TSPEAR: variants seen among roughly 807,000 people sequenced by gnomAD.
TSPEAR encodes thrombospondin-type laminin G domain and EAR repeat-containing protein.
A neutral mutation model predicts 71.6 loss-of-function variants in TSPEAR; 69 were observed. The ratio of observed to expected loss-of-function variants is 0.96; its 90% CI spans 0.79 to 1.18. TSPEAR has a LOEUF of 1.18. TSPEAR is among the 50% of genes most tolerant of loss of function. The pLI is 0.00. For synonymous variants in TSPEAR, 402 were observed against 387.2 expected (o/e 1.04, Z -0.45); for missense variants, 971 against 894.9 (o/e 1.09, Z -1.09).
At chr21:44,552,029 C>T (rs1358982683) in intron 2 of TSPEAR, among the ~76,000 whole-genome samples, 4 of 152,216 alleles carry the variant, frequency 2.6e-5, no homozygotes, top group Admixed American at 2.6e-4. Context: ...GGAGGACCTC[C>T]CCTCCTCTGA....
chr21:44,574,139 C>G, intron 1 of TSPEAR: 1 of 1,590,284 alleles, frequency 6.3e-7, no homozygotes, highest in Non-Finnish European at 8.6e-7. Flanking sequence ...GCTGTGTGCC[C>G]GTCTGCTGTG....
chr21:44,624,860 A>G (rs1555934044), intron 1 of TSPEAR, among the ~76,000 whole-genome samples: 1 of 152,170 alleles, frequency 6.6e-6, no homozygotes, highest in East Asian at 1.9e-4. Context: ...ACTTCTGTGC[A>G]CTTTCCCTCT....
chr21:44,628,334 C>A (rs587660790), intron 1 of TSPEAR: 18 of 382,096 alleles, frequency 4.7e-5, no homozygotes, highest in African/African-American at 3.8e-4. Context: ...CCCCCAGCAG[C>A]GTCACCCTCT....
rs181239865 is a variant in TSPEAR, at chr21:44,503,205, G to T, written c.1856+1575C>A. Among the ~76,000 whole-genome samples, 376 of 135,612 alleles carry T rather than the reference G, an allele frequency of 2.8e-3. 8 individuals carry two copies. The highest frequency in any genetic ancestry group is 0.017 in the Middle Eastern group (4 of 240). 89.0% of individuals were successfully genotyped at this position (135,612 alleles called of 152,430 possible). ...CCGGCCTTGGTGAGCCCACAGGGGG[G>T]AAGCAAGGCGCTGGGAGGAGGCCGG... On this transcript the variant is annotated intron_variant, in intron 11 of 11. Transcript: ENST00000323084.
intron 1 of TSPEAR, among the ~76,000 whole-genome samples, chr21:44,703,157 G>A (rs1248638121): frequency 2.0e-5 from 3 of 152,156 alleles, no homozygotes; most frequent in Non-Finnish European, 4.4e-5. Flanking sequence ...GCCTCTGCGT[G>A]CTCCTCTCCC....
At chr21:44,528,413 GC>G (rs781956262) in intron 6 of TSPEAR, 38 bp downstream of exon 6, 5 of 1,611,830 alleles carry the variant, frequency 3.1e-6, no homozygotes, top group African/African-American at 1.3e-5. Context: ...TGCCAGAGTG[GC>G]CCTGCATGCC....
intron 2 of TSPEAR, chr21:44,551,002 G>A (rs2053414741): frequency 2.5e-6 from 4 of 1,609,366 alleles, no homozygotes; most frequent in Non-Finnish European, 2.5e-6. Context: ...GAGCAGGTGG[G>A]CACGCAGCAC....
chr21:44,707,612 C>T (rs1988001608), intron 1 of TSPEAR, among the ~76,000 whole-genome samples: 1 of 152,104 alleles, frequency 6.6e-6, no homozygotes, highest in South Asian at 2.1e-4. Context: ...AAGCCCTGGC[C>T]TTATAGTTTA....
At chr21:44,516,965 C>T (rs782092331) in intron 9 of TSPEAR, among the ~76,000 whole-genome samples, 13 of 152,172 alleles carry the variant, frequency 8.5e-5, no homozygotes, top group Admixed American at 2.6e-4. Flanking sequence ...CTCGCTCCTG[C>T]ACCCTGGGGC....
intron 2 of TSPEAR, chr21:44,551,341 C>A: frequency 1.9e-6 from 3 of 1,613,118 alleles, no homozygotes; most frequent in Non-Finnish European, 2.5e-6. Context: ...AGGCAGGGGG[C>A]TGGGGCACAG....
intron 1 of TSPEAR, chr21:44,579,698 T>G: frequency 6.4e-7 from 1 of 1,561,552 alleles, no homozygotes; most frequent in Non-Finnish European, 8.7e-7. Flanking sequence ...CTAACCCGAG[T>G]CAGGACCAGT....
intron 1 of TSPEAR, among the ~76,000 whole-genome samples, chr21:44,707,305 G>T (rs1569271739): frequency 6.6e-6 from 1 of 152,050 alleles, no homozygotes; most frequent in African/African-American, 2.4e-5. Flanking sequence ...CGCGGGGTGG[G>T]GGGGGGTGCG....
chr21:44,516,207 C>T (rs1381073992), intron 9 of TSPEAR: 2 of 152,288 alleles, frequency 1.3e-5, no homozygotes, highest in Non-Finnish European at 2.9e-5. Context: ...CTGCCATCAG[C>T]AGGAATTCCA....
At chr21:44,704,098 G>T (rs1405807960) in intron 1 of TSPEAR, among the ~76,000 whole-genome samples, 1 of 152,194 alleles carries the variant, frequency 6.6e-6, no homozygotes, top group Admixed American at 6.5e-5. Flanking sequence ...CACTCTCCCT[G>T]CAAGGACCCT....
intron 1 of TSPEAR, among the ~76,000 whole-genome samples, chr21:44,708,939 G>C (rs2838662): frequency 0.16 from 24,346 of 152,276 alleles, 2,188 homozygotes; most frequent in Non-Finnish European, 0.18. Context: ...GAGTGAATGA[G>C]GAGAGCCAGG....
intron 1 of TSPEAR, chr21:44,627,849 A>G: frequency 6.2e-7 from 1 of 1,609,824 alleles, no homozygotes; most frequent in Non-Finnish European, 8.5e-7. Flanking sequence ...CCTGCTGCAG[A>G]CCCTCCTCCT....
At position 44,552,981 on chromosome 21, in the gene TSPEAR, G is replaced by A. The variant is rs915784; in HGVS notation, c.303+14804C>T. On this transcript the variant is annotated intron_variant, in intron 2 of 11. Transcript: ENST00000323084. Reference sequence around the variant, plus strand: ...GCCGAAGGGAAGCCGAGGCAGCGGCGTTCCCTAATGGAGTATGAGGGGGAG... The same window carrying A: ...GCCGAAGGGAAGCCGAGGCAGCGGCATTCCCTAATGGAGTATGAGGGGGAG... 5.3e-5 allele frequency among the ~76,000 whole-genome samples: 8 copies of A among 152,346 alleles called. No individual in the cohort carries two copies. The South Asian group carries it at 1.7e-3, about 32-fold the overall frequency.
chr21:44,501,513 C>T (rs920748461), intron 11 of TSPEAR, among the ~76,000 whole-genome samples: 9 of 152,222 alleles, frequency 5.9e-5, no homozygotes, highest in Non-Finnish European at 1.2e-4. Context: ...AAGAGAATGG[C>T]GTGAACCCAG....
At chr21:44,597,577 T>A (rs1555927788) in intron 1 of TSPEAR, among the ~76,000 whole-genome samples, 1 of 151,870 alleles carries the variant, frequency 6.6e-6, no homozygotes, top group African/African-American at 2.4e-5. Context: ...AGATTACAGG[T>A]GCCCACCACC....
Sources: gnomAD v4.1 joint callset for allele counts (sites outside exome capture counted in the v4.1 genomes callset) on GRCh38, gnomAD v4.1.1 for gene constraint, MANE v1.5 for transcripts, NCBI Gene and HGNC (gene_info 2026-07-23, HGNC 2026-07-21) for gene names.